The following FER variants were observed in gnomAD, a reference collection of about 807,000 sequenced individuals.
FER encodes the protein tyrosine-protein kinase Fer.
In FER, 63 loss-of-function variants were observed where a neutral mutation model predicts 111.0. The ratio of observed to expected loss-of-function variants is 0.57; its 90% confidence interval spans 0.46 to 0.70. The LOEUF is 0.70. FER is among the 30% of genes least tolerant of loss of function. FER has a pLI of 0.00. For missense variants in FER, 914 were observed against 954.0 expected (o/e 0.96, Z 0.55); for synonymous variants, 327 against 313.9 (o/e 1.04, Z -0.44).
At chr5:109,107,838 A>G (rs949526029) in intron 17 of FER, among the ~76,000 whole-genome samples, 1 of 152,062 alleles carries the variant, frequency 6.6e-6, no homozygotes, top group Non-Finnish European at 1.5e-5. Context: ...CCTCTTGCAA[A>G]GGGCCCTCAA....
intron 1 of FER, among the ~76,000 whole-genome samples, chr5:108,759,421 T>A (rs954534938): frequency 1.3e-5 from 2 of 152,244 alleles, no homozygotes; most frequent in Non-Finnish European, 2.9e-5. Flanking sequence ...AGAACTGTTA[T>A]AGCTTCTACC....
chr5:108,752,915 C>T (rs1750659167), intron 1 of FER, among the ~76,000 whole-genome samples: 1 of 151,860 alleles, frequency 6.6e-6, no homozygotes, highest in African/African-American at 2.4e-5. Context: ...GTAGGTTTTC[C>T]TTGCTAGGTT....
chr5:109,149,082 A>G (rs1332833296), intron 17 of FER, among the ~76,000 whole-genome samples: 1 of 127,100 alleles, frequency 7.9e-6, no homozygotes, highest in Non-Finnish European at 1.8e-5. Flanking sequence ...TTTTTCTGAT[A>G]TATTAAAAAA....
At chr5:108,991,107 A>G (rs1250646938) in intron 13 of FER, among the ~76,000 whole-genome samples, 1 of 151,644 alleles carries the variant, frequency 6.6e-6, no homozygotes, top group Non-Finnish European at 1.5e-5. Context: ...TATTTGTAAT[A>G]AGACAGAAAA....
chr5:108,884,830 A>G (rs1746856097), intron 9 of FER, among the ~76,000 whole-genome samples: 1 of 152,020 alleles, frequency 6.6e-6, no homozygotes, highest in Non-Finnish European at 1.5e-5. Flanking sequence ...TTTTTGCCCT[A>G]TCGCTATGGA....
chr5:109,026,440 T>C (rs1048964876), intron 13 of FER, among the ~76,000 whole-genome samples: 6 of 151,740 alleles, frequency 4.0e-5, no homozygotes, highest in South Asian at 2.1e-4. Flanking sequence ...TTTTTTTTTT[T>C]CCTCTAAAGC....
chr5:109,124,595 TG>T (rs1751434240), intron 17 of FER, among the ~76,000 whole-genome samples: 1 of 148,552 alleles, frequency 6.7e-6, no homozygotes, highest in African/African-American at 2.4e-5. Flanking sequence ...GTTTTGTTGT[TG>T]TTGTTGTTGT....
In FER at chr5:108,835,770, T is replaced by C. The variant is rs375647419; in HGVS notation, c.444T>C (p.Asn148=). 8.3e-6 allele frequency: 13 copies of C among 1,566,460 alleles called. No individual in the cohort carries two copies. Among genetic ancestry groups the C allele is most frequent in the Non-Finnish European group, 1.1e-5 (13 of 1,164,530 alleles). The change falls in exon 5 of 20, where the codon AAT becomes AAC. Residue 148 remains asparagine (N), a synonymous_variant. Transcript: ENST00000281092. ...CSYRQLIKEM[N]SAKEKYKEAL... ...ATAGACAATTAATAAAAGAAATGAA[T>C]TCTGCCAAAGAGAAATATAAAGAAG...
chr5:108,964,090 T>A (rs1359677185), intron 13 of FER, among the ~76,000 whole-genome samples: 1 of 152,216 alleles, frequency 6.6e-6, no homozygotes, highest in Non-Finnish European at 1.5e-5. Context: ...TTTAATTTTT[T>A]AAGAAAGGAA....
rs1456765194 is a variant in FER at position 108,841,869 on chromosome 5, G to T, written c.481+6062G>T. 7.3e-6 allele frequency: 3 copies of T among 413,040 alleles called. No individual in the cohort carries two copies. In the East Asian group the frequency reaches 2.4e-4, roughly 33 times the overall value. The allele number at this position is 413,040 out of a possible 1,614,324, so 25.6% of individuals were successfully genotyped here. A position where few individuals can be genotyped will look rare whatever the true frequency, so the allele number is the denominator to read the frequency against. On this transcript the variant is annotated intron_variant, in intron 5 of 19. Coordinates refer to ENST00000281092, the MANE Select transcript of FER (RefSeq NM_005246.4). ...GATGGTTGTGGGAATAAATTATGTT[G>T]TAAGTACCTGGGATTTGTAAGGATT...
chr5:109,075,879 A>G (rs945923999), intron 16 of FER, among the ~76,000 whole-genome samples: 1 of 152,120 alleles, frequency 6.6e-6, no homozygotes, highest in Non-Finnish European at 1.5e-5. Flanking sequence ...CCTTCTAAAA[A>G]CTAATTATCT....
chr5:108,972,118 T>C (rs909754289), intron 13 of FER, among the ~76,000 whole-genome samples: 1 of 152,026 alleles, frequency 6.6e-6, no homozygotes, highest in African/African-American at 2.4e-5. Flanking sequence ...ACATTTGATA[T>C]TCTATAAACC....
At chr5:108,835,195 C>G (rs893290445) in intron 4 of FER, among the ~76,000 whole-genome samples, 11 of 126,978 alleles carry the variant, frequency 8.7e-5, no homozygotes, top group African/African-American at 2.6e-4. Context: ...CCCCCCCCCC[C>G]CCACTTTTTT....
chr5:109,052,156 T>C lies in FER; in HGVS notation c.1924+4958T>C, dbSNP rs895315811. 10 of 1,607,398 alleles carry C rather than the reference T, an allele frequency of 6.2e-6. No individual in the cohort carries two copies. In the African/African-American group the frequency reaches 1.3e-4, roughly 21 times the overall value. On this transcript the variant is annotated intron_variant, in intron 16 of 19. Coordinates refer to ENST00000281092, the MANE Select transcript of FER (RefSeq NM_005246.4). Reference sequence around the variant, plus strand: ...TTTCTTGTTCAGTTTCTCTTCCTTTTGCATCACATAGAACACATGAGCCAG... The same window carrying C: ...TTTCTTGTTCAGTTTCTCTTCCTTTCGCATCACATAGAACACATGAGCCAG...
At chr5:108,962,439 C>G (rs931850630) in intron 13 of FER, among the ~76,000 whole-genome samples, 1 of 152,222 alleles carries the variant, frequency 6.6e-6, no homozygotes, top group Non-Finnish European at 1.5e-5. Context: ...GCTCCCCCTT[C>G]TTCTGCCTTT....
chr5:108,753,451 T>G (rs748879416), intron 1 of FER, among the ~76,000 whole-genome samples: 38 of 152,134 alleles, frequency 2.5e-4, no homozygotes, highest in Non-Finnish European at 7.4e-5. Context: ...CCAAAATATC[T>G]CCAGTTTGTC....
intron 9 of FER, among the ~76,000 whole-genome samples, chr5:108,884,852 C>A (rs142822699): frequency 6.6e-6 from 1 of 152,092 alleles, no homozygotes; most frequent in Non-Finnish European, 1.5e-5. Context: ...ATGGGTAGCT[C>A]TAAGATCACA....
intron 8 of FER, among the ~76,000 whole-genome samples, chr5:108,882,021 C>T (rs1056306624): frequency 5.9e-5 from 9 of 151,974 alleles, no homozygotes; most frequent in African/African-American, 2.2e-4. Flanking sequence ...CTTAGAAAAA[C>T]CTTATATATG....
intron 3 of FER, among the ~76,000 whole-genome samples, chr5:108,821,803 C>G (rs1407627318): frequency 6.6e-6 from 1 of 151,984 alleles, no homozygotes; most frequent in Non-Finnish European, 1.5e-5. Flanking sequence ...TTACCACAAT[C>G]AAGTTAATTA....
Sources: allele counts gnomAD v4.1 joint callset (sites outside exome capture counted in the v4.1 genomes callset), GRCh38; gene constraint gnomAD v4.1.1; transcripts MANE v1.5; gene names NCBI Gene and HGNC (gene_info 2026-07-23, HGNC 2026-07-21).